The following MAF variants were observed in gnomAD, a reference collection of about 807,000 sequenced individuals.
The protein encoded by MAF is transcription factor Maf.
In MAF, 10 loss-of-function variants were observed where a neutral mutation model predicts 22.0. The ratio of observed to expected loss-of-function variants is 0.45; its 90% CI spans 0.28 to 0.77. The LOEUF is 0.77. MAF is among the 30% of genes least tolerant of loss of function. The pLI is 0.12. For missense variants in MAF, 544 were observed against 548.4 expected (o/e 0.99, Z 0.08); for synonymous variants, 337 against 255.8 (o/e 1.32, Z -3.03).
the MAF span, among the ~76,000 whole-genome samples, chr16:79,429,446 G>A: frequency 6.6e-6 from 1 of 152,274 alleles, no homozygotes; most frequent in Non-Finnish European, 1.5e-5. Flanking sequence ...TCCCCTCTGA[G>A]GAGCGCCGTG....
chr16:79,429,252 A>G, the MAF span, among the ~76,000 whole-genome samples: 2 of 152,174 alleles, frequency 1.3e-5, no homozygotes, highest in Non-Finnish European at 2.9e-5. Context: ...TTATTCCGTA[A>G]TGAGCCAATA....
chr16:79,429,079 C>T, the MAF span, among the ~76,000 whole-genome samples: 1 of 152,004 alleles, frequency 6.6e-6, no homozygotes, highest in Admixed American at 6.5e-5. Flanking sequence ...CTTTAAATGC[C>T]GATTGGAGGT....
At chr16:79,442,437 T>A in the MAF span, among the ~76,000 whole-genome samples, 4 of 152,200 alleles carry the variant, frequency 2.6e-5, no homozygotes, top group East Asian at 7.7e-4. Context: ...AGCAGCCCAG[T>A]TGTGGCTCAC....
chr16:79,403,975 A>G, the MAF span, among the ~76,000 whole-genome samples: 49 of 152,038 alleles, frequency 3.2e-4, no homozygotes, highest in African/African-American at 1.1e-3. Flanking sequence ...GGGAAGTAAT[A>G]AAACAAACTC....
chr16:79,502,050 T>C, the MAF span, among the ~76,000 whole-genome samples: 8 of 152,172 alleles, frequency 5.3e-5, no homozygotes, highest in Non-Finnish European at 1.2e-4. Context: ...CTGAGGATAA[T>C]TCAGAATAAT....
intron 1 of MAF, chr16:79,596,867 C>T (rs1167203930): frequency 7.6e-6 from 8 of 1,048,662 alleles, no homozygotes; most frequent in African/African-American, 1.7e-5. Flanking sequence ...ATTTTATTAG[C>T]GTTCTAAACA....
the MAF span, among the ~76,000 whole-genome samples, chr16:79,518,318 G>T: frequency 1.3e-5 from 2 of 152,220 alleles, no homozygotes; most frequent in South Asian, 2.1e-4. Flanking sequence ...TCGATGGCTT[G>T]CCTGGGAATT....
In MAF at chr16:79,600,303, C is replaced by G. The variant is rs1332559024; in HGVS notation, c.-401G>C. ...GCGCGGCGTCCCCCGCTCGCCGCTC[C>G]GCTGCGCGCTTTGCATAAGGAAGGG... On this transcript the variant is annotated 5_prime_UTR_variant, in exon 1 of 2. Transcript: ENST00000326043. The G allele has an allele frequency of 4.6e-6, 1 of 217,078 alleles. No homozygotes were observed. Among genetic ancestry groups the G allele is most frequent in the Non-Finnish European group, 9.9e-6 (1 of 100,590 alleles). 13.4% of individuals were successfully genotyped at this position (217,078 alleles called of 1,614,324 possible).
the MAF span, among the ~76,000 whole-genome samples, chr16:79,247,415 G>C: frequency 6.6e-6 from 1 of 152,300 alleles, no homozygotes; most frequent in Middle Eastern, 3.4e-3. Flanking sequence ...GATCTCAATG[G>C]CTTTGTGTGT....
rs771846947 is a variant in MAF, at chr16:79,600,555, C to G, written c.-653G>C. 6.2e-5 allele frequency: 12 copies of G among 194,844 alleles called. No individual in the cohort carries two copies. Among genetic ancestry groups the G allele is most frequent in the Non-Finnish European group, 1.1e-4 (9 of 84,576 alleles). 12.1% of individuals were successfully genotyped at this position (194,844 alleles called of 1,614,324 possible). A position where few individuals can be genotyped will look rare whatever the true frequency, so the allele number is the denominator to read the frequency against. On this transcript the variant is annotated 5_prime_UTR_variant, in exon 1 of 2. Transcript: ENST00000326043. ...CAAAGTGCAAGGCAGAGGTGCAGCCCGACTGGAGGAGAGGGAGGGGGGAGT... is the reference window on the plus strand; with the variant it reads ...CAAAGTGCAAGGCAGAGGTGCAGCCGGACTGGAGGAGAGGGAGGGGGGAGT...
chr16:79,212,798 C>G, the MAF span: 1 of 152,136 alleles, frequency 6.6e-6, no homozygotes, highest in East Asian at 1.9e-4. Flanking sequence ...GCCAGGAAAA[C>G]ACGATTCTTG....
chr16:79,339,722 T>G, the MAF span, among the ~76,000 whole-genome samples: 2 of 152,208 alleles, frequency 1.3e-5, no homozygotes, highest in African/African-American at 4.8e-5. Flanking sequence ...GAGAATGCAG[T>G]ACACCAGCTT....
At chr16:79,308,924 G>C in the MAF span, among the ~76,000 whole-genome samples, 19 of 152,134 alleles carry the variant, frequency 1.2e-4, no homozygotes, top group African/African-American at 4.6e-4. Flanking sequence ...AGAAAGCGTG[G>C]GCCCTTCTGG....
chr16:79,240,883 T>C, the MAF span, among the ~76,000 whole-genome samples: 32 of 152,118 alleles, frequency 2.1e-4, no homozygotes, highest in African/African-American at 7.7e-4. Flanking sequence ...GCAGCCTCCA[T>C]TGGTGATACC....
At chr16:79,224,116 A>T in the MAF span, among the ~76,000 whole-genome samples, 1 of 152,202 alleles carries the variant, frequency 6.6e-6, no homozygotes, top group Non-Finnish European at 1.5e-5. Context: ...CCTCAATAAA[A>T]TACTGGCAAA....
the MAF span, among the ~76,000 whole-genome samples, chr16:79,574,199 A>G: frequency 1.3e-5 from 2 of 152,200 alleles, no homozygotes; most frequent in Non-Finnish European, 2.9e-5. Context: ...GTTTAATACT[A>G]TGCTTTAGAG....
the MAF span, among the ~76,000 whole-genome samples, chr16:79,572,954 G>A: frequency 6.6e-6 from 1 of 152,128 alleles, no homozygotes. Context: ...TGCTCACAAT[G>A]GTGTATGGAG....
the MAF span, among the ~76,000 whole-genome samples, chr16:79,412,422 C>T: frequency 2.6e-5 from 4 of 152,320 alleles, no homozygotes; most frequent in East Asian, 7.7e-4. Flanking sequence ...ACAGCCTTGA[C>T]AGACATTGGT....
chr16:79,286,530 A>T, the MAF span, among the ~76,000 whole-genome samples: 1 of 152,220 alleles, frequency 6.6e-6, no homozygotes, highest in Non-Finnish European at 1.5e-5. Flanking sequence ...CCACACCATT[A>T]TCCTTGCATG....
Sources: gnomAD v4.1 joint callset for allele counts (sites outside exome capture counted in the v4.1 genomes callset) on GRCh38, gnomAD v4.1.1 for gene constraint, MANE v1.5 for transcripts, NCBI Gene and HGNC (gene_info 2026-07-23, HGNC 2026-07-21) for gene names.